The following PDE11A variants were observed in gnomAD, a reference collection of about 807,000 sequenced individuals.
The protein encoded by PDE11A is dual 3',5'-cyclic-AMP and -GMP phosphodiesterase 11A.
PDE11A carries 100 observed loss-of-function variants against 100.5 expected under a neutral mutation model. That is an observed-to-expected ratio of 1.00 (90% confidence interval 0.85 to 1.18). The LOEUF (loss-of-function observed/expected upper bound fraction) is 1.18, where lower values mean the gene tolerates loss of function less well. Among genes scored for constraint, PDE11A ranks in the 50% most tolerant of loss-of-function variants. The probability of loss-of-function intolerance (pLI) is 0.00; values close to 1 mark genes in which losing one functional copy is unlikely to be tolerated. For synonymous variants in PDE11A, 381 were observed against 420.8 expected, an observed-to-expected ratio of 0.91 and a Z score of 1.16; for missense variants, 1,141 against 1,152.6, an observed-to-expected ratio of 0.99 and a Z score of 0.15.
chr2:177,774,312 T>C (rs2082350151), intron 9 of PDE11A, among the ~76,000 whole-genome samples: 1 of 152,226 alleles, frequency 6.6e-6, no homozygotes, highest in Non-Finnish European at 1.5e-5. Flanking sequence ...CCATATCCCA[T>C]TTACTCCTCA....
chr2:177,832,012 GC>G (rs932762203), intron 6 of PDE11A, among the ~76,000 whole-genome samples: 3 of 152,054 alleles, frequency 2.0e-5, no homozygotes, highest in East Asian at 3.9e-4. Context: ...GGCAGGAGAG[GC>G]CCCCCCTGAC....
intron 9 of PDE11A, among the ~76,000 whole-genome samples, chr2:177,787,188 T>C (rs1299787194): frequency 1.4e-5 from 2 of 146,550 alleles, no homozygotes; most frequent in Non-Finnish European, 3.0e-5. Context: ...ACAGCGGATC[T>C]CTCGGCAGAA....
intron 17 of PDE11A, among the ~76,000 whole-genome samples, chr2:177,670,795 G>A (rs2080667566): frequency 6.6e-6 from 1 of 152,174 alleles, no homozygotes; most frequent in African/African-American, 2.4e-5. Context: ...TAGCATGTGT[G>A]CAGTCACATA....
intron 6 of PDE11A, among the ~76,000 whole-genome samples, chr2:177,820,782 T>C (rs181590420): frequency 1.3e-5 from 2 of 152,120 alleles, no homozygotes; most frequent in Admixed American, 1.3e-4. Context: ...TATTATTATG[T>C]ATGTTGTCAA....
At chr2:177,733,529 C>A (rs1377377604) in intron 10 of PDE11A, among the ~76,000 whole-genome samples, 1 of 152,204 alleles carries the variant, frequency 6.6e-6, no homozygotes, top group Non-Finnish European at 1.5e-5. Flanking sequence ...AATCCTGGAT[C>A]CCTTGACACA....
chr2:177,728,213 C>A (rs760565234), intron 10 of PDE11A, 41 bp from the exon 11 acceptor site: 1 of 1,597,646 alleles, frequency 6.3e-7, no homozygotes. Flanking sequence ...AGTTCACCAG[C>A]TTTCCCAAAC....
chr2:178,095,475 T>A (rs1205890201), intron 2 of PDE11A, among the ~76,000 whole-genome samples: 1 of 152,222 alleles, frequency 6.6e-6, no homozygotes, highest in Non-Finnish European at 1.5e-5. Context: ...GGTACAGCCC[T>A]GCTCCTGGCT....
chr2:177,795,935 CTATATATATATATATATATATATATA>C lies in PDE11A; in HGVS notation c.1737+20868_1737+20893del, dbSNP rs55861102. Among the ~76,000 whole-genome samples the C allele has an allele frequency of 7.9e-4, 53 of 67,270 alleles. 2 individuals are homozygous for C. The highest frequency in any genetic ancestry group is 4.6e-3 in the South Asian group (8 of 1,728). 44.1% of individuals were successfully genotyped at this position (67,270 alleles called of 152,430 possible). A position where few individuals can be genotyped will look rare whatever the true frequency, so the allele number is the denominator to read the frequency against. Reference sequence around the variant, plus strand: ...AATTATTACTATTATTTTGTTTAAACTATATATATATATATATATATATATATATATATATATATATCTTTGCTTTA... The same window carrying C: ...AATTATTACTATTATTTTGTTTAAACTATATATATATATATCTTTGCTTTA... On this transcript the variant is annotated intron_variant, in intron 9 of 19. Transcript: ENST00000286063.
chr2:177,660,981 C>T lies in PDE11A; in HGVS notation c.2646+2885G>A, dbSNP rs376483468. On this transcript the variant is annotated intron_variant, in intron 19 of 19. Transcript: ENST00000286063. Reference sequence around the variant, plus strand: ...ACTGCTGTACTCAAGAGCCTCCAGCCGTGGGGTGCCCTGGGTCAACTCCCA... The same window carrying T: ...ACTGCTGTACTCAAGAGCCTCCAGCTGTGGGGTGCCCTGGGTCAACTCCCA... Among the ~76,000 whole-genome samples the T allele has an allele frequency of 1.5e-4, 23 of 152,256 alleles. No individual in the cohort carries two copies. The East Asian group carries it at 4.1e-3, about 27-fold the overall frequency.
At chr2:178,070,222 T>G (rs191020550) in intron 1 of PDE11A, among the ~76,000 whole-genome samples, 5 of 152,330 alleles carry the variant, frequency 3.3e-5, no homozygotes. Flanking sequence ...CAATGAATAA[T>G]GCACTTAGTC....
At chr2:177,726,653 A>G (rs1303124208) in intron 12 of PDE11A, among the ~76,000 whole-genome samples, 4 of 119,456 alleles carry the variant, frequency 3.3e-5, no homozygotes, top group African/African-American at 5.6e-5. Flanking sequence ...GCAGAAAATG[A>G]GGCAGAGTTT....
chr2:177,932,281 G>A (rs1196707760), intron 2 of PDE11A, among the ~76,000 whole-genome samples: 4 of 152,158 alleles, frequency 2.6e-5, no homozygotes, highest in East Asian at 1.9e-4. Context: ...AATTGAAGAG[G>A]AGGGATTCTT....
intron 1 of PDE11A, among the ~76,000 whole-genome samples, chr2:178,020,510 G>A: frequency 6.6e-6 from 1 of 152,198 alleles, no homozygotes; most frequent in East Asian, 1.9e-4. Flanking sequence ...GAGAAAATGT[G>A]GCCTGGAGCA....
chr2:177,840,879 A>C (rs1488096300), intron 5 of PDE11A, among the ~76,000 whole-genome samples: 1 of 152,248 alleles, frequency 6.6e-6, no homozygotes, highest in Non-Finnish European at 1.5e-5. Flanking sequence ...TAATTATTTG[A>C]AAAACAATTT....
intron 18 of PDE11A, among the ~76,000 whole-genome samples, chr2:177,665,145 A>ATATC (rs565708571): frequency 2.8e-3 from 427 of 152,232 alleles, no homozygotes; most frequent in African/African-American, 9.8e-3. Flanking sequence ...AGAGAGGGAT[A>ATATC]GTTCTTGTGA....
intron 9 of PDE11A, among the ~76,000 whole-genome samples, chr2:177,783,685 TTC>T (rs2082487738): frequency 6.6e-6 from 1 of 152,244 alleles, no homozygotes. Flanking sequence ...TTTGTTTTTA[TTC>T]TGTTTCCACA....
chr2:177,869,340 G>T (rs144800444), intron 5 of PDE11A, among the ~76,000 whole-genome samples: 1 of 152,206 alleles, frequency 6.6e-6, no homozygotes, highest in African/African-American at 2.4e-5. Context: ...GGGAAGAATG[G>T]AGCTCATTCA....
At chr2:177,806,733 G>A (rs990618168) in intron 9 of PDE11A, among the ~76,000 whole-genome samples, 6 of 152,030 alleles carry the variant, frequency 3.9e-5, no homozygotes, top group South Asian at 2.1e-4. Context: ...CCAAGAATAC[G>A]AAATAACAAT....
intron 1 of PDE11A, among the ~76,000 whole-genome samples, chr2:178,028,255 G>C (rs976537111): frequency 9.8e-5 from 14 of 143,262 alleles, no homozygotes; most frequent in African/African-American, 2.8e-4. Flanking sequence ...AAAGTGCCGA[G>C]AGTACCTGGA....
Sources: gnomAD v4.1 joint callset for allele counts (sites outside exome capture counted in the v4.1 genomes callset) on GRCh38, gnomAD v4.1.1 for gene constraint, MANE v1.5 for transcripts, NCBI Gene and HGNC (gene_info 2026-07-23, HGNC 2026-07-21) for gene names.